Variants in IMMP2L observed in about 807,000 individuals in gnomAD.
IMMP2L encodes inner mitochondrial membrane peptidase subunit 2.
In IMMP2L, 18 loss-of-function variants were observed where a neutral mutation model predicts 19.3. That is an observed-to-expected ratio of 0.93 (90% CI 0.64 to 1.38). The LOEUF (loss-of-function observed/expected upper bound fraction) is 1.38. Ranked by LOEUF, IMMP2L falls within the 40% of genes most tolerant of loss-of-function variation. The pLI, the probability that IMMP2L is intolerant of heterozygous loss-of-function variation, is 0.00. For synonymous variants in IMMP2L, 76 were observed against 73.0 expected (o/e 1.04, Z -0.21); for missense variants, 233 against 218.2 (o/e 1.07, Z -0.43).
chr7:110,831,868 G>A (rs758234888), intron 5 of IMMP2L, among the ~76,000 whole-genome samples: 5 of 152,158 alleles, frequency 3.3e-5, no homozygotes, highest in African/African-American at 7.2e-5. Flanking sequence ...AACAAACAGT[G>A]CTCTCAGACT....
chr7:111,033,252 T>C (rs573897322), intron 3 of IMMP2L, among the ~76,000 whole-genome samples: 9 of 152,348 alleles, frequency 5.9e-5, no homozygotes, highest in Admixed American at 3.9e-4. Flanking sequence ...CATTTGATAA[T>C]TGCTAATTAA....
chr7:110,715,183 A>C (rs554098930), intron 5 of IMMP2L, among the ~76,000 whole-genome samples: 29 of 152,032 alleles, frequency 1.9e-4, no homozygotes, highest in African/African-American at 6.8e-4. Flanking sequence ...AATTTAGCTA[A>C]CAGTGTATTG....
intron 3 of IMMP2L, among the ~76,000 whole-genome samples, chr7:111,228,193 C>T (rs1446956635): frequency 6.6e-6 from 1 of 151,932 alleles, no homozygotes; most frequent in Non-Finnish European, 1.5e-5. Flanking sequence ...CCTCTATATT[C>T]AAGAAAAGGT....
chr7:110,681,562 C>T (rs780545094), intron 5 of IMMP2L, among the ~76,000 whole-genome samples: 8 of 152,086 alleles, frequency 5.3e-5, no homozygotes, highest in Admixed American at 1.3e-4. Flanking sequence ...AACTTGGCTA[C>T]ATCAATGTGC....
At chr7:111,013,274 A>G (rs1825167310) in intron 3 of IMMP2L, among the ~76,000 whole-genome samples, 1 of 152,198 alleles carries the variant, frequency 6.6e-6, no homozygotes. Flanking sequence ...TAAGAGGTAG[A>G]CATGAGCAAA....
At chr7:111,540,347 C>T (rs1477474015) in intron 1 of IMMP2L, among the ~76,000 whole-genome samples, 3 of 152,134 alleles carry the variant, frequency 2.0e-5, no homozygotes, top group Non-Finnish European at 2.9e-5. Context: ...AAACCTCCTG[C>T]CAACCTGTGC....
At chr7:111,398,455 G>A (rs902473682) in intron 3 of IMMP2L, among the ~76,000 whole-genome samples, 2 of 151,984 alleles carry the variant, frequency 1.3e-5, no homozygotes, top group Non-Finnish European at 2.9e-5. Flanking sequence ...AGCAAAAATC[G>A]ACATACAAGG....
chr7:110,976,710 A>C (rs888838189), intron 3 of IMMP2L, among the ~76,000 whole-genome samples: 1 of 152,026 alleles, frequency 6.6e-6, no homozygotes, highest in Non-Finnish European at 1.5e-5. Flanking sequence ...ACAAGCACCT[A>C]GGTGATTCTG....
intron 5 of IMMP2L, among the ~76,000 whole-genome samples, chr7:110,853,334 C>T: frequency 6.6e-6 from 1 of 151,800 alleles, no homozygotes; most frequent in East Asian, 1.9e-4. Flanking sequence ...GAAAAAAAAA[C>T]CTTAGCTTTT....
chr7:111,432,598 C>T (rs1836746047), intron 3 of IMMP2L, among the ~76,000 whole-genome samples: 1 of 151,686 alleles, frequency 6.6e-6, no homozygotes, highest in Non-Finnish European at 1.5e-5. Context: ...GACAAACCCA[C>T]AGCCAACATT....
intron 4 of IMMP2L, chr7:110,962,283 T>C (rs548562928): frequency 2.0e-5 from 3 of 152,094 alleles, no homozygotes; most frequent in South Asian, 2.1e-4. Context: ...CCAGTAATTA[T>C]CACATTAGAA....
At chr7:111,424,376 T>G (rs1450668678) in intron 3 of IMMP2L, among the ~76,000 whole-genome samples, 1 of 151,766 alleles carries the variant, frequency 6.6e-6, no homozygotes, top group African/African-American at 2.4e-5. Flanking sequence ...CATCCGTTAA[T>G]ACTCAGTGTT....
chr7:110,771,589 C>A (rs1799040450), intron 5 of IMMP2L, among the ~76,000 whole-genome samples: 1 of 152,070 alleles, frequency 6.6e-6, no homozygotes, highest in Non-Finnish European at 1.5e-5. Context: ...ATCTATCATG[C>A]TGGCCATGAA....
intron 3 of IMMP2L, among the ~76,000 whole-genome samples, chr7:111,048,205 A>G (rs1792603162): frequency 7.9e-6 from 1 of 126,256 alleles, no homozygotes; most frequent in South Asian, 2.6e-4. Flanking sequence ...GAGCCACTGC[A>G]CTCCAGCTGG....
At chr7:111,499,955 G>T (rs895918168) in intron 2 of IMMP2L, among the ~76,000 whole-genome samples, 2 of 152,176 alleles carry the variant, frequency 1.3e-5, no homozygotes, top group African/African-American at 4.8e-5. Flanking sequence ...CAGACAGCAG[G>T]TGCAGGACAG....
chr7:111,433,690 G>T (rs1224152057), intron 3 of IMMP2L, among the ~76,000 whole-genome samples: 1 of 151,554 alleles, frequency 6.6e-6, no homozygotes, highest in Non-Finnish European at 1.5e-5. Flanking sequence ...CCCTTGAAAC[G>T]TGAGGATATT....
intron 3 of IMMP2L, among the ~76,000 whole-genome samples, chr7:111,258,496 T>A (rs1816965753): frequency 6.6e-6 from 1 of 152,134 alleles, no homozygotes; most frequent in African/African-American, 2.4e-5. Context: ...AAGAAAAGCA[T>A]TTTTTAATTT....
chr7:111,009,049 T>C (rs1824624633), intron 3 of IMMP2L, among the ~76,000 whole-genome samples: 1 of 152,114 alleles, frequency 6.6e-6, no homozygotes, highest in South Asian at 2.1e-4. Flanking sequence ...CAGTATTTGC[T>C]TCATATCATT....
chr7:111,020,159 G>A (rs939541659), intron 3 of IMMP2L, among the ~76,000 whole-genome samples: 2 of 151,362 alleles, frequency 1.3e-5, no homozygotes, highest in Non-Finnish European at 2.9e-5. Context: ...TGAGGCGGGT[G>A]GATCATCTGA....
Sources: gnomAD v4.1 joint callset for allele counts (sites outside exome capture counted in the v4.1 genomes callset) on GRCh38, gnomAD v4.1.1 for gene constraint, MANE v1.5 for transcripts, NCBI Gene and HGNC (gene_info 2026-07-23, HGNC 2026-07-21) for gene names.